The following HS3ST2 variants were observed in gnomAD, a reference collection of about 807,000 sequenced individuals.
HS3ST2 encodes the protein heparan sulfate-glucosamine 3-sulfotransferase 2, also known as heparan sulfate glucosamine 3-O-sulfotransferase 2.
Under a neutral mutation model 26.3 loss-of-function variants are expected in HS3ST2, and 17 were observed. That is an observed-to-expected ratio of 0.65 (90% CI 0.44 to 0.97). HS3ST2 has a LOEUF of 0.97. HS3ST2 is among the 50% of genes least tolerant of loss of function. The probability of loss-of-function intolerance (pLI) is 0.00; values close to 1 mark genes in which losing one functional copy is unlikely to be tolerated. For synonymous variants in HS3ST2, 237 were observed against 219.2 expected (o/e 1.08, Z -0.72); for missense variants, 402 against 501.2 (o/e 0.80, Z 1.89).
At chr16:22,908,858 C>T (rs1241138991) in intron 1 of HS3ST2, among the ~76,000 whole-genome samples, 3 of 152,090 alleles carry the variant, frequency 2.0e-5, no homozygotes, top group African/African-American at 7.2e-5. Context: ...TTCAAACGAT[C>T]GCAAGAGGCC....
At chr16:22,861,616 T>C (rs932700926) in intron 1 of HS3ST2, among the ~76,000 whole-genome samples, 14 of 152,088 alleles carry the variant, frequency 9.2e-5, no homozygotes, top group Non-Finnish European at 2.9e-5. Context: ...TAGAGCACAG[T>C]GACTAAAAGA....
At chr16:22,851,579 A>G (rs1341889710) in intron 1 of HS3ST2, among the ~76,000 whole-genome samples, 1 of 152,220 alleles carries the variant, frequency 6.6e-6, no homozygotes, top group Non-Finnish European at 1.5e-5. Flanking sequence ...TACCCTCCTG[A>G]AGGAGAGAAT....
chr16:22,886,599 G>C (rs1279984999), intron 1 of HS3ST2, among the ~76,000 whole-genome samples: 1 of 152,110 alleles, frequency 6.6e-6, no homozygotes, highest in Non-Finnish European at 1.5e-5. Flanking sequence ...TAAGTAGCGG[G>C]CCTGACATAA....
intron 1 of HS3ST2, among the ~76,000 whole-genome samples, chr16:22,877,129 A>AGC (rs1901931389): frequency 6.6e-6 from 1 of 152,142 alleles, no homozygotes; most frequent in Admixed American, 6.5e-5. Flanking sequence ...GCTTATTGAA[A>AGC]TACAAAAAAA....
chr16:22,860,995 C>T (rs974248787), intron 1 of HS3ST2, among the ~76,000 whole-genome samples: 1 of 151,866 alleles, frequency 6.6e-6, no homozygotes, highest in South Asian at 2.1e-4. Context: ...GCCTCAGCCT[C>T]CTGAGTAGCC....
At chr16:22,862,412 G>T (rs1901691722) in intron 1 of HS3ST2, among the ~76,000 whole-genome samples, 1 of 152,086 alleles carries the variant, frequency 6.6e-6, no homozygotes, top group Admixed American at 6.6e-5. Context: ...AACTAACCAG[G>T]CACCTGTTAT....
intron 1 of HS3ST2, among the ~76,000 whole-genome samples, chr16:22,894,649 G>A (rs902287804): frequency 6.6e-6 from 1 of 151,724 alleles, no homozygotes; most frequent in Admixed American, 6.6e-5. Context: ...TGCAATCCCA[G>A]CCACTTTGGG....
Position 22,814,338 on chromosome 16 carries a change from C to T in HS3ST2, c.-273C>T. 1 of 374,924 alleles carries T rather than the reference C, an allele frequency of 2.7e-6. No individual in the cohort carries two copies. Among genetic ancestry groups the T allele is most frequent in the Non-Finnish European group, 4.7e-6 (1 of 211,934 alleles). 23.2% of individuals were successfully genotyped at this position (374,924 alleles called of 1,614,324 possible). On this transcript the variant is annotated 5_prime_UTR_variant, in exon 1 of 2. Transcript: ENST00000261374. ...CGGCGCACGTAAGAGCCTGGGAGCG[C>T]CCGAGCCGCCCGGCTGCCCGGAGCC...
chr16:22,838,549 A>G (rs1379433752), intron 1 of HS3ST2, among the ~76,000 whole-genome samples: 1 of 152,220 alleles, frequency 6.6e-6, no homozygotes, highest in African/African-American at 2.4e-5. Context: ...AGTTTGGACC[A>G]GAATCCTGGC....
At chr16:22,861,599 A>G (rs1901675205) in intron 1 of HS3ST2, among the ~76,000 whole-genome samples, 1 of 152,152 alleles carries the variant, frequency 6.6e-6, no homozygotes, top group Non-Finnish European at 1.5e-5. Context: ...TGACAGTCAG[A>G]GACTTTTAGA....
chr16:22,847,593 A>C (rs1901455009), intron 1 of HS3ST2, among the ~76,000 whole-genome samples: 1 of 152,108 alleles, frequency 6.6e-6, no homozygotes, highest in Non-Finnish European at 1.5e-5. Context: ...TTCCTCATGG[A>C]TTGCCTATAG....
rs1902139202 is a variant in HS3ST2 at position 22,892,157 on chromosome 16, G to A, written c.486-22787G>A. 2.0e-5 allele frequency among the ~76,000 whole-genome samples: 3 copies of A among 151,610 alleles called. No individual in the cohort carries two copies. In the South Asian group the frequency reaches 6.3e-4, roughly 32 times the overall value. On this transcript the variant is annotated intron_variant, in intron 1 of 1. Coordinates refer to ENST00000261374, the MANE Select transcript of HS3ST2 (RefSeq NM_006043.2). ...TACAAAAAGTTAGCCGGGCGTGGTG[G>A]CAGGTGCCTATAGTCCCAGCTACTC... is the stretch of plus-strand genomic sequence containing the variant.
At chr16:22,829,703 G>A (rs1163470710) in intron 1 of HS3ST2, among the ~76,000 whole-genome samples, 1 of 152,090 alleles carries the variant, frequency 6.6e-6, no homozygotes, top group Non-Finnish European at 1.5e-5. Flanking sequence ...CCATGGCTGT[G>A]GGGTAAGTTG....
At chr16:22,826,637 A>C (rs463131) in intron 1 of HS3ST2, among the ~76,000 whole-genome samples, 87,223 of 152,140 alleles carry the variant, frequency 0.57, 26,842 homozygotes, top group African/African-American at 0.81. Context: ...GTCTGGCACA[A>C]GATGGGTGCT....
chr16:22,824,646 C>G (rs1015043883), intron 1 of HS3ST2, among the ~76,000 whole-genome samples: 4 of 152,202 alleles, frequency 2.6e-5, no homozygotes, highest in African/African-American at 7.2e-5. Flanking sequence ...AGTTTAATTT[C>G]ACTGGATCAA....
chr16:22,906,357 G>T (rs913918758), intron 1 of HS3ST2, among the ~76,000 whole-genome samples: 1 of 27,880 alleles, frequency 3.6e-5, no homozygotes, highest in South Asian at 8.5e-4. Context: ...GCGACAGAGC[G>T]AGACTCCATC....
chr16:22,868,472 C>T (rs1475256329), intron 1 of HS3ST2, among the ~76,000 whole-genome samples: 1 of 151,422 alleles, frequency 6.6e-6, no homozygotes, highest in African/African-American at 2.4e-5. Flanking sequence ...CTGTTTGTCC[C>T]TCCATGGTGG....
intron 1 of HS3ST2, among the ~76,000 whole-genome samples, chr16:22,876,570 C>T (rs1020801792): frequency 3.3e-5 from 5 of 152,092 alleles, no homozygotes; most frequent in Non-Finnish European, 7.4e-5. Flanking sequence ...TATGGAAAAC[C>T]GTGTGGAGAT....
chr16:22,911,757 G>A (rs930659056), intron 1 of HS3ST2, among the ~76,000 whole-genome samples: 1 of 152,110 alleles, frequency 6.6e-6, no homozygotes, highest in Non-Finnish European at 1.5e-5. Flanking sequence ...TCTAATCCGG[G>A]ATGATCTCAT....
Sources: gnomAD v4.1 joint callset for allele counts (sites outside exome capture counted in the v4.1 genomes callset) on GRCh38, gnomAD v4.1.1 for gene constraint, MANE v1.5 for transcripts, NCBI Gene and HGNC (gene_info 2026-07-23, HGNC 2026-07-21) for gene names.